CLEC4D: variants seen among roughly 807,000 people sequenced by gnomAD.
The protein encoded by CLEC4D is C-type (calcium dependent, carbohydrate-recognition domain) lectin, superfamily member 8.
CLEC4D carries 21 observed loss-of-function variants against 21.1 expected under a neutral mutation model. The ratio of observed to expected loss-of-function variants is 1.00; its 90% CI spans 0.71 to 1.43. The LOEUF (loss-of-function observed/expected upper bound fraction) is 1.43, where lower values mean the gene tolerates loss of function less well. Ranked by LOEUF, CLEC4D falls within the 40% of genes most tolerant of loss-of-function variation. CLEC4D has a pLI of 0.00. For synonymous variants in CLEC4D, 85 were observed against 83.1 expected, an observed-to-expected ratio of 1.02 and a Z score of -0.12; for missense variants, 289 against 260.7, an observed-to-expected ratio of 1.11 and a Z score of -0.75.
chr12:8,519,668 C>T (rs60057516), intron 4 of CLEC4D, among the ~76,000 whole-genome samples: 4,729 of 152,198 alleles, frequency 0.031, 249 homozygotes, highest in African/African-American at 0.11. Flanking sequence ...GGATAAAGTA[C>T]AGGAAAACTA....
downstream of CLEC4D, among the ~76,000 whole-genome samples, chr12:8,526,439 C>T (rs1177425091): frequency 1.3e-5 from 2 of 151,954 alleles, no homozygotes; most frequent in East Asian, 1.9e-4. Context: ...AGTAAAGTGG[C>T]CTTCTAACTC....
downstream of CLEC4D, among the ~76,000 whole-genome samples, chr12:8,524,502 T>C (rs973493562): frequency 6.6e-6 from 1 of 152,196 alleles, no homozygotes; most frequent in Non-Finnish European, 1.5e-5. Flanking sequence ...GTATTTATAG[T>C]ATTCTCTGAT....
downstream of CLEC4D, among the ~76,000 whole-genome samples, chr12:8,522,992 A>G (rs1318226650): frequency 6.6e-6 from 1 of 152,158 alleles, no homozygotes. Flanking sequence ...GACTTGTTGA[A>G]TATCAGATGG....
At position 8,520,361 on chromosome 12, in the gene CLEC4D, T is replaced by C. The variant is rs1172212286; in HGVS notation, c.500+20T>C. On this transcript the variant is annotated intron_variant, in intron 5 of 5. Transcript: ENST00000299665. The stretch of plus-strand genomic sequence containing the variant: ...CAGAGTGTAAGTATATTGAGTGGGC[T>C]AAGGGGATTTATAAGCAAAGGTTAG... The C allele has an allele frequency of 6.2e-7, 1 of 1,601,300 alleles. No homozygotes were observed. The highest frequency in any genetic ancestry group is 1.1e-5 in the South Asian group (1 of 90,174).
intron 4 of CLEC4D, 111 bp from the exon 5 acceptor site, chr12:8,520,115 C>T: frequency 1.4e-6 from 2 of 1,447,884 alleles, no homozygotes; most frequent in Non-Finnish European, 1.8e-6. Context: ...CTATCTGATG[C>T]CAGAGCTTTT....
intron 5 of CLEC4D, among the ~76,000 whole-genome samples, chr12:8,520,623 C>T (rs750859896): frequency 4.4e-4 from 67 of 151,970 alleles, no homozygotes; most frequent in Non-Finnish European, 8.5e-4. Context: ...ACAATATAAG[C>T]GATAAAAATT....
chr12:8,515,180 G>A (rs1940362025), intron 1 of CLEC4D, 56 bp from the exon 2 acceptor site: 1 of 879,402 alleles, frequency 1.1e-6, no homozygotes, highest in Admixed American at 1.7e-5. Context: ...GGTAGAATTA[G>A]CTTTCCTAGC....
chr12:8,527,980 C>G, the CLEC4D span, among the ~76,000 whole-genome samples: 1 of 152,142 alleles, frequency 6.6e-6, no homozygotes. Flanking sequence ...GCCGCTGCAC[C>G]GCTCTGCTCT....
At chr12:8,528,750 T>C in the CLEC4D span, among the ~76,000 whole-genome samples, 33,437 of 152,034 alleles carry the variant, frequency 0.22, 4,263 homozygotes, top group East Asian at 0.32. Context: ...TAACCTGAAC[T>C]CTAGTTACTG....
intron 2 of CLEC4D, among the ~76,000 whole-genome samples, chr12:8,517,768 A>G (rs746459309): frequency 6.6e-6 from 1 of 152,020 alleles, no homozygotes; most frequent in East Asian, 1.9e-4. Context: ...AACAAGGTGA[A>G]ACCCCGTCTC....
At chr12:8,520,385 A>G (rs751520910) in intron 5 of CLEC4D, 44 bp downstream of exon 5, 37 of 1,583,706 alleles carry the variant, frequency 2.3e-5, no homozygotes, top group Non-Finnish European at 2.9e-5. Context: ...AGCAAAGGTT[A>G]GAAGATGGTA....
downstream of CLEC4D, among the ~76,000 whole-genome samples, chr12:8,525,627 T>C (rs1290663813): frequency 1.3e-5 from 2 of 152,212 alleles, no homozygotes; most frequent in African/African-American, 4.8e-5. Context: ...CCGATGGGTC[T>C]TGAGTCCTTA....
chr12:8,523,880 C>T (rs1591721623), downstream of CLEC4D, among the ~76,000 whole-genome samples: 1 of 152,242 alleles, frequency 6.6e-6, no homozygotes, highest in South Asian at 2.1e-4. Context: ...TCCATCAATA[C>T]TTAGTTTATT....
At chr12:8,519,231 G>C in intron 4 of CLEC4D, 71 bp downstream of exon 4, 1 of 1,546,294 alleles carries the variant, frequency 6.5e-7, no homozygotes, top group Non-Finnish European at 8.7e-7. Context: ...GAATTTCTCT[G>C]TCCTGTTATG....
chr12:8,526,410 TG>T (rs1231552353), downstream of CLEC4D, among the ~76,000 whole-genome samples: 2 of 152,206 alleles, frequency 1.3e-5, no homozygotes, highest in Non-Finnish European at 2.9e-5. Flanking sequence ...TCTCTATTCT[TG>T]TCTGCATGTC....
chr12:8,518,161 C>T lies in CLEC4D; in HGVS notation c.122-3C>T, dbSNP rs1224570807. The T allele has an allele frequency of 8.6e-6, 9 of 1,048,022 alleles. No individual in the cohort carries two copies. The highest frequency in any genetic ancestry group is 1.4e-5 in the Non-Finnish European group (9 of 664,410). 64.9% of individuals were successfully genotyped at this position (1,048,022 alleles called of 1,614,324 possible). A position where few individuals can be genotyped will look rare whatever the true frequency, so the allele number is the denominator to read the frequency against. On this transcript the variant is annotated splice_region_variant and splice_polypyrimidine_tract_variant and intron_variant, in intron 2 of 5. Transcript: ENST00000299665. ...AAACCTAACTTGCTTTTATCCTTGACAGTGACTCATCACAACTTTTCACGC... is the reference window on the plus strand; with the variant it reads ...AAACCTAACTTGCTTTTATCCTTGATAGTGACTCATCACAACTTTTCACGC...
intron 1 of CLEC4D, 55 bp from the exon 2 acceptor site, chr12:8,515,181 C>A: frequency 2.3e-6 from 2 of 883,904 alleles, no homozygotes; most frequent in Non-Finnish European, 1.9e-6. Flanking sequence ...GTAGAATTAG[C>A]TTTCCTAGCT....
chr12:8,515,627 A>G (rs1940369315), intron 2 of CLEC4D, among the ~76,000 whole-genome samples: 1 of 152,200 alleles, frequency 6.6e-6, no homozygotes, highest in Non-Finnish European at 1.5e-5. Context: ...ACATCTTATG[A>G]GAAAAGAGTA....
downstream of CLEC4D, among the ~76,000 whole-genome samples, chr12:8,524,383 G>A (rs1266740507): frequency 3.3e-5 from 5 of 151,250 alleles, no homozygotes; most frequent in South Asian, 4.2e-4. Flanking sequence ...TTCAGAGCTC[G>A]TAATTGTCTA....
Sources: allele counts gnomAD v4.1 joint callset (sites outside exome capture counted in the v4.1 genomes callset), GRCh38; gene constraint gnomAD v4.1.1; transcripts MANE v1.5; gene names NCBI Gene and HGNC (gene_info 2026-07-23, HGNC 2026-07-21).